The following TIAM1 variants were observed in gnomAD, a reference collection of about 807,000 sequenced individuals.
The protein encoded by TIAM1 is rho guanine nucleotide exchange factor TIAM1.
Under a neutral mutation model 163.5 loss-of-function variants are expected in TIAM1, and 65 were observed. The observed-to-expected ratio is 0.40, with a 90% CI of 0.33 to 0.49. The LOEUF (loss-of-function observed/expected upper bound fraction) is 0.49, where lower values mean the gene tolerates loss of function less well. TIAM1 is among the 20% of genes least tolerant of loss of function. The pLI is 0.77. For synonymous variants in TIAM1, 833 were observed against 810.1 expected (o/e 1.03, Z -0.48); for missense variants, 1,789 against 2,044.7 (o/e 0.87, Z 2.41).
intron 2 of TIAM1, among the ~76,000 whole-genome samples, chr21:31,421,371 G>C (rs568494735): frequency 6.6e-6 from 1 of 152,146 alleles, no homozygotes; most frequent in South Asian, 2.1e-4. Context: ...TAACCCTCGG[G>C]CTGCTGACCG....
At chr21:31,327,496 C>T (rs1434065546) in intron 2 of TIAM1, among the ~76,000 whole-genome samples, 1 of 151,588 alleles carries the variant, frequency 6.6e-6, no homozygotes, top group Non-Finnish European at 1.5e-5. Flanking sequence ...AAAAATTAGC[C>T]TGGTGTGGTG....
intron 1 of TIAM1, among the ~76,000 whole-genome samples, chr21:31,501,518 T>A (rs544400844): frequency 6.6e-6 from 1 of 152,182 alleles, no homozygotes; most frequent in Non-Finnish European, 1.5e-5. Context: ...GCCTTTCGTA[T>A]CTACCTGTTG....
intron 8 of TIAM1, 112 bp from the exon 9 acceptor site, chr21:31,217,811 G>C: frequency 7.4e-7 from 1 of 1,346,318 alleles, no homozygotes; most frequent in Non-Finnish European, 1.0e-6. Flanking sequence ...CATCATGCCA[G>C]CCAACCCTGA....
At chr21:31,526,982 G>A (rs1001966454) in intron 1 of TIAM1, among the ~76,000 whole-genome samples, 5 of 152,018 alleles carry the variant, frequency 3.3e-5, no homozygotes, top group Admixed American at 1.3e-4. Flanking sequence ...GATTACAGGC[G>A]TGAGCCACCA....
At chr21:31,331,364 A>T (rs1179813279) in intron 2 of TIAM1, among the ~76,000 whole-genome samples, 1 of 152,222 alleles carries the variant, frequency 6.6e-6, no homozygotes, top group Non-Finnish European at 1.5e-5. Context: ...AGCTCACCAC[A>T]TCAAACACAG....
intron 1 of TIAM1, among the ~76,000 whole-genome samples, chr21:31,532,611 T>C (rs2048005968): frequency 6.6e-6 from 1 of 152,234 alleles, no homozygotes; most frequent in African/African-American, 2.4e-5. Flanking sequence ...CTTTCCAATA[T>C]GCTAGTGATG....
intron 2 of TIAM1, among the ~76,000 whole-genome samples, chr21:31,389,309 G>A (rs58564787): frequency 0.12 from 18,281 of 152,038 alleles, 1,293 homozygotes; most frequent in Admixed American, 0.22. Flanking sequence ...TCCGCCTCCC[G>A]GGTCCAAGCA....
chr21:31,229,834 G>A (rs748759932), intron 6 of TIAM1, among the ~76,000 whole-genome samples: 5 of 152,148 alleles, frequency 3.3e-5, no homozygotes, highest in Admixed American at 6.5e-5. Flanking sequence ...TGTACTTTTA[G>A]TAGAGATGAG....
intron 1 of TIAM1, among the ~76,000 whole-genome samples, chr21:31,465,300 G>C (rs1285702327): frequency 6.6e-6 from 1 of 151,932 alleles, no homozygotes; most frequent in Non-Finnish European, 1.5e-5. Context: ...GCAGTGGCAA[G>C]ATCTGTAGTC....
chr21:31,414,845 G>C (rs1031381440), intron 2 of TIAM1, among the ~76,000 whole-genome samples: 8 of 152,228 alleles, frequency 5.3e-5, no homozygotes, highest in Admixed American at 2.6e-4. Context: ...CAAACGAAGA[G>C]AGTCCCAAAA....
chr21:31,485,513 AAACGCT>A (rs1194448237), intron 1 of TIAM1, among the ~76,000 whole-genome samples: 1 of 152,162 alleles, frequency 6.6e-6, no homozygotes, highest in African/African-American at 2.4e-5. Context: ...AGAGAAAGCA[AAACGCT>A]AACTCTGGGA....
chr21:31,262,772 G>A (rs2146800143), intron 4 of TIAM1, among the ~76,000 whole-genome samples: 1 of 152,214 alleles, frequency 6.6e-6, no homozygotes, highest in East Asian at 1.9e-4. Flanking sequence ...AGGCTTAGAG[G>A]TCATGCTCTT....
chr21:31,277,626 C>T (rs1304027477), intron 2 of TIAM1, among the ~76,000 whole-genome samples: 1 of 152,180 alleles, frequency 6.6e-6, no homozygotes, highest in Admixed American at 6.5e-5. Flanking sequence ...GCCTGGGAGG[C>T]ATGAATAATC....
chr21:31,491,218 T>C (rs965766775), intron 1 of TIAM1, among the ~76,000 whole-genome samples: 4 of 151,910 alleles, frequency 2.6e-5, no homozygotes, highest in East Asian at 3.9e-4. Flanking sequence ...GACAGTGGAG[T>C]AGAAAAGTGG....
intron 1 of TIAM1, among the ~76,000 whole-genome samples, chr21:31,558,188 GCAT>G (rs1250799765): frequency 6.6e-6 from 1 of 152,180 alleles, no homozygotes. Flanking sequence ...CGGCGCAGCA[GCAT>G]CGCAGCGGCA....
chr21:31,384,374 G>C (rs1366103907), intron 2 of TIAM1, among the ~76,000 whole-genome samples: 1 of 137,286 alleles, frequency 7.3e-6, no homozygotes, highest in Non-Finnish European at 1.5e-5. Context: ...AGACCAGCCT[G>C]AGCAACATGG....
intron 2 of TIAM1, among the ~76,000 whole-genome samples, chr21:31,312,420 T>G (rs182960163): frequency 2.6e-5 from 4 of 152,284 alleles, no homozygotes; most frequent in Non-Finnish European, 5.9e-5. Flanking sequence ...GTCATTAGTA[T>G]ACGCAGCATG....
intron 2 of TIAM1, among the ~76,000 whole-genome samples, chr21:31,337,174 G>A (rs969645707): frequency 1.3e-5 from 2 of 152,270 alleles, no homozygotes; most frequent in Admixed American, 1.3e-4. Flanking sequence ...AGTGTTTTCA[G>A]AGAAAACCAG....
At chr21:31,452,061 C>T (rs975620492) in intron 2 of TIAM1, among the ~76,000 whole-genome samples, 3 of 152,142 alleles carry the variant, frequency 2.0e-5, no homozygotes, top group Admixed American at 6.5e-5. Context: ...ACAGAGGGCA[C>T]ATCCTAAGGT....
Sources: allele counts gnomAD v4.1 joint callset (sites outside exome capture counted in the v4.1 genomes callset), GRCh38; gene constraint gnomAD v4.1.1; transcripts MANE v1.5; gene names NCBI Gene and HGNC (gene_info 2026-07-23, HGNC 2026-07-21).